PPM1E: variants seen among roughly 807,000 people sequenced by gnomAD.
PPM1E encodes protein phosphatase 1E.
In PPM1E, 20 loss-of-function variants were observed where a neutral mutation model predicts 65.9. The ratio of observed to expected loss-of-function variants is 0.30; its 90% CI spans 0.21 to 0.44. The LOEUF is 0.44. Among genes scored for constraint, PPM1E ranks in the 20% least tolerant of loss-of-function variants. The probability of loss-of-function intolerance (pLI) is 1.00; values close to 1 mark genes in which losing one functional copy is unlikely to be tolerated. For missense variants in PPM1E, 713 were observed against 953.1 expected, an observed-to-expected ratio of 0.75 and a Z score of 3.32; for synonymous variants, 352 against 374.9, an observed-to-expected ratio of 0.94 and a Z score of 0.70.
At chr17:58,880,273 A>G (rs1442807061) in intron 1 of PPM1E, among the ~76,000 whole-genome samples, 3 of 152,156 alleles carry the variant, frequency 2.0e-5, no homozygotes, top group Non-Finnish European at 4.4e-5. Context: ...AAGAGGCTAG[A>G]AGGATCTTTT....
intron 1 of PPM1E, among the ~76,000 whole-genome samples, chr17:58,879,560 A>T (rs2051167707): frequency 8.4e-6 from 1 of 118,888 alleles, no homozygotes; most frequent in African/African-American, 3.3e-5. Flanking sequence ...CCCAGGCTGG[A>T]GTGCGGTGAT....
At chr17:58,861,579 T>C (rs756854271) in intron 1 of PPM1E, among the ~76,000 whole-genome samples, 8 of 152,144 alleles carry the variant, frequency 5.3e-5, no homozygotes, top group Non-Finnish European at 1.2e-4. Context: ...CAAGAGTCAG[T>C]TAGATGCACT....
rs150394504 is a variant in PPM1E at position 58,784,713 on chromosome 17, C to T, written c.464+28252C>T. On this transcript the variant is annotated intron_variant, in intron 1 of 6. Transcript: ENST00000308249. The stretch of plus-strand genomic sequence containing the variant: ...CTAATTTTTGTATTTTTAGTAGAGA[C>T]GTAGTTTCCCCATGTTGGCCAGGAT... Among the ~76,000 whole-genome samples, 994 of 151,798 alleles carry T rather than the reference C, an allele frequency of 6.5e-3. 8 individuals carry two copies. Among genetic ancestry groups the T allele is most frequent in the African/African-American group, 9.5e-3 (394 of 41,440 alleles).
intron 4 of PPM1E, among the ~76,000 whole-genome samples, chr17:58,970,249 G>A (rs527951180): frequency 6.6e-6 from 1 of 152,162 alleles, no homozygotes; most frequent in Non-Finnish European, 1.5e-5. Context: ...TTAATAGGGA[G>A]AAAAGAAGAG....
At chr17:58,762,965 C>A (rs2049837583) in intron 1 of PPM1E, among the ~76,000 whole-genome samples, 1 of 151,402 alleles carries the variant, frequency 6.6e-6, no homozygotes, top group Admixed American at 6.6e-5. Flanking sequence ...AAACAAAATT[C>A]ATGTTGATCC....
At chr17:58,978,583 C>T (rs943335560) in intron 6 of PPM1E, among the ~76,000 whole-genome samples, 10 of 152,130 alleles carry the variant, frequency 6.6e-5, no homozygotes, top group South Asian at 2.1e-4. Flanking sequence ...TGGTGGCGTA[C>T]GCCTGTAATC....
chr17:58,923,746 CAA>C (rs531852494), intron 1 of PPM1E, among the ~76,000 whole-genome samples: 13 of 62,350 alleles, frequency 2.1e-4, no homozygotes, highest in East Asian at 4.8e-4. Context: ...GACTTCGTCT[CAA>C]AAAAAAAAAA....
intron 1 of PPM1E, among the ~76,000 whole-genome samples, chr17:58,876,153 A>C (rs763734215): frequency 6.6e-6 from 1 of 152,142 alleles, no homozygotes; most frequent in Admixed American, 6.6e-5. Flanking sequence ...CTATTCATTC[A>C]CTGGTAGTAT....
chr17:58,980,913 G>GAAGT lies in PPM1E; in HGVS notation c.2151_2154dup (p.Ser719LysfsTer9). 1 of 1,614,148 alleles carries GAAGT rather than the reference G, an allele frequency of 6.2e-7. No homozygotes were observed. Among genetic ancestry groups the GAAGT allele is most frequent in the Non-Finnish European group, 8.5e-7 (1 of 1,179,948 alleles). ...GGAAGTGGGAAGAGAAATAGGATAA[G>GAAGT]AAGTTCTCTGCCATGGAGGCAAAAT... On this transcript the variant is annotated frameshift_variant, in exon 7 of 7. Coordinates refer to ENST00000308249, the MANE Select transcript of PPM1E (RefSeq NM_014906.5). LOFTEE classifies it high-confidence loss of function. The surrounding 1 kb of genome is among the most constrained non-coding windows in gnomAD (Gnocchi z 4.7).
intron 1 of PPM1E, among the ~76,000 whole-genome samples, chr17:58,929,653 A>G (rs748586258): frequency 1.3e-5 from 2 of 152,188 alleles, no homozygotes; most frequent in African/African-American, 2.4e-5. Context: ...ATTTTTCTGT[A>G]CATTTGAACA....
At chr17:58,926,086 A>C (rs1213471323) in intron 1 of PPM1E, among the ~76,000 whole-genome samples, 1 of 152,228 alleles carries the variant, frequency 6.6e-6, no homozygotes, top group Admixed American at 6.5e-5. Context: ...CATGCCTGTA[A>C]TCCCAGCACT....
chr17:58,980,909 A>G lies in PPM1E; in HGVS notation c.2146A>G (p.Ile716Val). The G allele has an allele frequency of 2.5e-6, 4 of 1,614,152 alleles. No homozygotes were observed. The highest frequency in any genetic ancestry group is 2.2e-5 in the South Asian group (2 of 91,092). The change falls in exon 7 of 7, where the codon ATA becomes GTA. Residue 716 changes from isoleucine to valine, a missense_variant. Physicochemically the swap from Ile to Val is conservative, Grantham distance 29 (BLOSUM62 3). Around this residue, in one of 6 missense-constraint regions of PPM1E, gnomAD observed 286 missense variants for 313.8 expected, o/e 0.91. Transcript: ENST00000308249. The surrounding 1 kb of genome is among the most constrained non-coding windows in gnomAD (Gnocchi z 4.7). ...SLTGSGKRNR[I>V]RSSLPWRQNS... ...TACTGGAAGTGGGAAGAGAAATAGG[A>G]TAAGAAGTTCTCTGCCATGGAGGCA...
At chr17:58,878,284 C>A (rs1404247810) in intron 1 of PPM1E, among the ~76,000 whole-genome samples, 1 of 151,686 alleles carries the variant, frequency 6.6e-6, no homozygotes, top group Non-Finnish European at 1.5e-5. Flanking sequence ...TTCTTGTTGC[C>A]CAAGCTGGAG....
chr17:58,970,354 A>T (rs2030519918), intron 4 of PPM1E, among the ~76,000 whole-genome samples: 1 of 152,218 alleles, frequency 6.6e-6, no homozygotes, highest in Non-Finnish European at 1.5e-5. Context: ...AAGTAAAAAA[A>T]TTAATCTAAT....
chr17:58,972,819 C>T lies in PPM1E; in HGVS notation c.1117-13C>T. ...TCCAGTTATTTGCTTCTTTTTATTGCATTGCTGTTTAGGATGAAAAGCAGA... is the reference window on the plus strand; with the variant it reads ...TCCAGTTATTTGCTTCTTTTTATTGTATTGCTGTTTAGGATGAAAAGCAGA... On this transcript the variant is annotated splice_polypyrimidine_tract_variant and intron_variant, in intron 5 of 6. Coordinates refer to ENST00000308249, the MANE Select transcript of PPM1E (RefSeq NM_014906.5). 1 of 1,605,080 alleles carries T rather than the reference C, an allele frequency of 6.2e-7. No individual in the cohort carries two copies. The highest frequency in any genetic ancestry group is 8.5e-7 in the Non-Finnish European group (1 of 1,172,154).
At chr17:58,900,911 A>T (rs1423284427) in intron 1 of PPM1E, among the ~76,000 whole-genome samples, 1 of 152,198 alleles carries the variant, frequency 6.6e-6, no homozygotes, top group Non-Finnish European at 1.5e-5. Flanking sequence ...TATTCTAAGC[A>T]CACAATATAA....
chr17:58,908,585 G>T (rs890975439), intron 1 of PPM1E, among the ~76,000 whole-genome samples: 1 of 151,474 alleles, frequency 6.6e-6, no homozygotes, highest in African/African-American at 2.4e-5. Context: ...GATTATAGAC[G>T]CCCACCACCA....
chr17:58,913,693 T>C (rs776663103), intron 1 of PPM1E, among the ~76,000 whole-genome samples: 1 of 152,180 alleles, frequency 6.6e-6, no homozygotes, highest in Non-Finnish European at 1.5e-5. Flanking sequence ...GGAATCTAAG[T>C]TGTCTTCTTA....
Position 58,836,715 on chromosome 17 carries a change from G to A in PPM1E, c.464+80254G>A, listed in dbSNP as rs1210144925. Among the ~76,000 whole-genome samples the A allele has an allele frequency of 7.3e-5, 11 of 150,040 alleles. 1 individual carries two copies. In the South Asian group the frequency reaches 8.5e-4, roughly 12 times the overall value. On this transcript the variant is annotated intron_variant, in intron 1 of 6. Coordinates refer to ENST00000308249, the MANE Select transcript of PPM1E (RefSeq NM_014906.5). ...CCTGACCTTGTGATCTGCCTGCCTC[G>A]GCCTCCTAAAGTGCCAGGATTATTG...
Sources: gnomAD v4.1 joint callset for allele counts (sites outside exome capture counted in the v4.1 genomes callset) on GRCh38, gnomAD v4.1.1 for gene constraint, gnomAD v4.1.1 regional missense constraint, Gnocchi (gnomAD v3.1) non-coding constraint, MANE v1.5 for transcripts, NCBI Gene and HGNC (gene_info 2026-07-23, HGNC 2026-07-21) for gene names.